The following HEATR5B variants were observed in gnomAD, a reference collection of about 807,000 sequenced individuals.
HEATR5B encodes HEAT repeat containing 5B.
HEATR5B carries 156 observed loss-of-function variants against 224.1 expected under a neutral mutation model. The observed-to-expected ratio is 0.70, with a 90% CI of 0.61 to 0.80. The LOEUF is 0.80. HEATR5B is among the 30% of genes least tolerant of loss of function. The probability of loss-of-function intolerance (pLI) is 0.00; values close to 1 mark genes in which losing one functional copy is unlikely to be tolerated. For missense variants in HEATR5B, 2,323 were observed against 2,535.5 expected (o/e 0.92, Z 1.80); for synonymous variants, 1,027 against 893.0 (o/e 1.15, Z -2.68).
chr2:36,988,699 T>G lies in HEATR5B; in HGVS notation c.5858A>C (p.Gln1953Pro). Residue 1953 changes from glutamine (Q) to proline (P), a missense_variant, in exon 35 of 36, where the codon CAA becomes CCA. Transcript: ENST00000233099. ...TGTTTCAAGAACTTTTATTCCTTCTTGAACCGCTAAAAGCTCTATGTTACT... is the reference window on the plus strand; with the variant it reads ...TGTTTCAAGAACTTTTATTCCTTCTGGAACCGCTAAAAGCTCTATGTTACT... ...PASNIELLAV[Q>P]EGIKVLETLV... 6.2e-7 allele frequency: 1 copy of G among 1,614,192 alleles called. No homozygotes were observed.
At position 37,064,722 on chromosome 2, in the gene HEATR5B, C is replaced by G; in HGVS notation, c.1584+18G>C. On this transcript the variant is annotated intron_variant, in intron 10 of 35. Transcript: ENST00000233099. ...AGCCCACGTGACAGCATTCCCAAGT[C>G]TAGGATCTCCGTCATACCTTTCCTT... 1 of 1,612,430 alleles carries G rather than the reference C, an allele frequency of 6.2e-7. No homozygotes were observed. Among genetic ancestry groups the G allele is most frequent in the African/African-American group, 1.3e-5 (1 of 75,010 alleles).
chr2:36,992,583 A>C (rs1195280377), intron 33 of HEATR5B, among the ~76,000 whole-genome samples: 1 of 151,334 alleles, frequency 6.6e-6, no homozygotes, highest in Non-Finnish European at 1.5e-5. Flanking sequence ...CCTGTCTCAA[A>C]AACAAACAAA....
chr2:36,981,434 C>T lies in HEATR5B; in HGVS notation c.*56G>A. 1 of 1,319,140 alleles carries T rather than the reference C, an allele frequency of 7.6e-7. No homozygotes were observed. 81.7% of individuals were successfully genotyped at this position (1,319,140 alleles called of 1,614,324 possible). A position where few individuals can be genotyped will look rare whatever the true frequency, so the allele number is the denominator to read the frequency against. On this transcript the variant is annotated 3_prime_UTR_variant, in exon 36 of 36. Transcript: ENST00000233099. Reference sequence around the variant, plus strand: ...TAGGTAGCCTGGAATGATACAGTGGCCATCACTAATTAGGGGCTAGTTGAC... The same window carrying T: ...TAGGTAGCCTGGAATGATACAGTGGTCATCACTAATTAGGGGCTAGTTGAC...
intron 31 of HEATR5B, among the ~76,000 whole-genome samples, chr2:37,003,009 A>C (rs536820809): frequency 6.6e-6 from 1 of 152,204 alleles, no homozygotes; most frequent in South Asian, 2.1e-4. Context: ...GTGTAATCTC[A>C]GCACTTTGGG....
At position 36,981,607 on chromosome 2, in the gene HEATR5B, C is replaced by T. The variant is rs1665585920; in HGVS notation, c.6099G>A (p.Val2033=). The T allele has an allele frequency of 1.2e-6, 2 of 1,614,154 alleles. No homozygotes were observed. The highest frequency in any genetic ancestry group is 2.2e-5 in the East Asian group (1 of 44,880). The change falls in exon 36 of 36, where the codon GTG becomes GTA. Residue 2033 remains valine (V), a synonymous_variant. Transcript: ENST00000233099. ...TVMGAAPELK[V]RLETAVRASQ... Reference sequence around the variant, plus strand: ...TTGCTCGAACGGCAGTTTCTAGACGCACTTTCAACTCAGGAGCAGCCCCCA... The same window carrying T: ...TTGCTCGAACGGCAGTTTCTAGACGTACTTTCAACTCAGGAGCAGCCCCCA...
chr2:37,059,430 GTGTGTGTGTGTGTGTGTATA>G (rs1371276178), intron 12 of HEATR5B, among the ~76,000 whole-genome samples: 1 of 84,958 alleles, frequency 1.2e-5, no homozygotes, highest in Non-Finnish European at 2.3e-5. Flanking sequence ...GTGTGTGTGT[GTGTGTGTGTGTGTGTGTATA>G]TATATATATA....
At chr2:37,034,803 C>G (rs1669375727) in intron 21 of HEATR5B, among the ~76,000 whole-genome samples, 1 of 151,926 alleles carries the variant, frequency 6.6e-6, no homozygotes, top group Admixed American at 6.5e-5. Flanking sequence ...AGTGATCTGC[C>G]TGCCTTGGGC....
chr2:37,080,806 A>G (rs1450229942), intron 2 of HEATR5B, among the ~76,000 whole-genome samples: 1 of 152,166 alleles, frequency 6.6e-6, no homozygotes, highest in African/African-American at 2.4e-5. Flanking sequence ...GAACTGAGGA[A>G]GAGTTAAAAA....
At chr2:37,044,191 T>C (rs1458828300) in intron 18 of HEATR5B, among the ~76,000 whole-genome samples, 2 of 152,208 alleles carry the variant, frequency 1.3e-5, no homozygotes, top group African/African-American at 4.8e-5. Flanking sequence ...TAGTCGTATG[T>C]GGGTAGTGGC....
At chr2:37,030,580 C>T (rs1476187586) in intron 22 of HEATR5B, among the ~76,000 whole-genome samples, 1 of 152,122 alleles carries the variant, frequency 6.6e-6, no homozygotes, top group Non-Finnish European at 1.5e-5. Context: ...CCAAAAAACC[C>T]TCCAGAAAAT....
intron 27 of HEATR5B, among the ~76,000 whole-genome samples, chr2:37,009,721 C>T (rs1469071450): frequency 6.6e-6 from 1 of 151,660 alleles, no homozygotes; most frequent in Non-Finnish European, 1.5e-5. Context: ...CTTGAGTAGC[C>T]TTCTCAGAGT....
intron 3 of HEATR5B, among the ~76,000 whole-genome samples, chr2:37,077,321 T>C (rs1639889027): frequency 6.6e-6 from 1 of 152,106 alleles, no homozygotes; most frequent in African/African-American, 2.4e-5. Context: ...TTTTTTTTTT[T>C]AGGGGGAGAC....
Position 37,007,169 on chromosome 2 carries a change from G to C in HEATR5B, c.4658C>G (p.Ala1553Gly). 1.2e-6 allele frequency: 2 copies of C among 1,614,008 alleles called. No homozygotes were observed. The highest frequency in any genetic ancestry group is 1.7e-6 in the Non-Finnish European group (2 of 1,179,992). ...ACGTTTTTGTAAACCAGATATTGCTGCTGCTTCTGTAGACTCTGAGCACGT... is the reference window on the plus strand; with the variant it reads ...ACGTTTTTGTAAACCAGATATTGCTCCTGCTTCTGTAGACTCTGAGCACGT... ...GFTCSESTEA[A>G]AISGLQKRST... The change falls in exon 29 of 36, where the codon GCA (alanine) becomes GGA (glycine). Residue 1553 changes from alanine (A) to glycine (G), a missense_variant. Coordinates refer to ENST00000233099, the MANE Select transcript of HEATR5B (RefSeq NM_019024.3).
intron 21 of HEATR5B, among the ~76,000 whole-genome samples, chr2:37,037,292 C>T (rs192882644): frequency 2.2e-3 from 328 of 151,278 alleles, no homozygotes; most frequent in African/African-American, 7.4e-3. Flanking sequence ...ACTACAGGTG[C>T]ACGCCACCAC....
intron 18 of HEATR5B, among the ~76,000 whole-genome samples, chr2:37,043,747 G>T (rs1163553262): frequency 6.6e-6 from 1 of 152,162 alleles, no homozygotes; most frequent in Non-Finnish European, 1.5e-5. Flanking sequence ...TTACAAAAGT[G>T]TCTTGAACCT....
rs1667033988 is a variant in HEATR5B at position 37,000,702 on chromosome 2, T to C, written c.5429A>G (p.Gln1810Arg). 6.2e-7 allele frequency: 1 copy of C among 1,614,204 alleles called. No individual in the cohort carries two copies. The highest frequency in any genetic ancestry group is 1.1e-5 in the South Asian group (1 of 91,088). Reference sequence around the variant, plus strand: ...AAGTGTCACAATACTTTTAATCCCTTGAAGAGCTGCACTGACTGGTGGAGG... The same window carrying C: ...AAGTGTCACAATACTTTTAATCCCTCGAAGAGCTGCACTGACTGGTGGAGG... Reference protein sequence around the residue: ...QVPPPVSAALQGIKSIVTLSM... With the variant: ...QVPPPVSAALRGIKSIVTLSM... The change falls in exon 33 of 36, where the codon CAA (glutamine) becomes CGA (arginine). Residue 1810 changes from glutamine (Q) to arginine (R), a missense_variant. Gln to Arg is a conservative substitution (Grantham distance 43, BLOSUM62 1). Coordinates refer to ENST00000233099, the MANE Select transcript of HEATR5B (RefSeq NM_019024.3).
At position 36,990,779 on chromosome 2, in the gene HEATR5B, C is replaced by G; in HGVS notation, c.5566G>C (p.Asp1856His). ...ATTGCTGTTAGCATGCTTACTTCAT[C>G]AGGTGTAGGTACAGAGTCTTCTGAA... ...SQPEDSVPTP[D>H]EVSMLTAIAL... The change falls in exon 34 of 36, where the codon GAT becomes CAT. Residue 1856 changes from aspartate to histidine, a missense_variant. By Grantham distance (81) the Asp-to-His change is moderately conservative. This residue lies in a region of HEATR5B where 844 missense variants were observed against 812.9 expected (regional missense o/e 1.04). Transcript: ENST00000233099. The G allele has an allele frequency of 6.2e-7, 1 of 1,607,770 alleles. No individual in the cohort carries two copies. Among genetic ancestry groups the G allele is most frequent in the Non-Finnish European group, 8.5e-7 (1 of 1,176,700 alleles).
intron 18 of HEATR5B, among the ~76,000 whole-genome samples, chr2:37,046,612 C>G (rs932020670): frequency 1.4e-5 from 2 of 146,284 alleles, no homozygotes; most frequent in Non-Finnish European, 3.0e-5. Context: ...GCACTCCAGC[C>G]TGGGCAGCAA....
At chr2:36,983,477 T>G (rs62133072) in intron 35 of HEATR5B, among the ~76,000 whole-genome samples, 1 of 150,126 alleles carries the variant, frequency 6.7e-6, no homozygotes, top group Non-Finnish European at 1.5e-5. Context: ...AGGCGGAGGT[T>G]GTGGTGAGCC....
Sources: allele counts gnomAD v4.1 joint callset (sites outside exome capture counted in the v4.1 genomes callset), GRCh38; gene constraint gnomAD v4.1.1; regional missense constraint gnomAD v4.1.1; transcripts MANE v1.5; gene names NCBI Gene and HGNC (gene_info 2026-07-23, HGNC 2026-07-21).